The following PCDHGB1 variants were observed in gnomAD, a reference collection of about 807,000 sequenced individuals.
PCDHGB1 encodes the protein protocadherin gamma-B1.
In PCDHGB1, 34 loss-of-function variants were observed where a neutral mutation model predicts 56.6. The ratio of observed to expected loss-of-function variants is 0.60; its 90% CI spans 0.46 to 0.80. The LOEUF (loss-of-function observed/expected upper bound fraction) is 0.80, where lower values mean the gene tolerates loss of function less well. Ranked by LOEUF, PCDHGB1 falls within the 30% of genes least tolerant of loss-of-function variation. PCDHGB1 has a pLI of 0.00. For missense variants in PCDHGB1, 1,278 were observed against 1,204.6 expected, an observed-to-expected ratio of 1.06 and a Z score of -0.90; for synonymous variants, 561 against 505.9, an observed-to-expected ratio of 1.11 and a Z score of -1.46.
At chr5:141,478,051 G>A (rs751371411) in intron 1 of PCDHGB1, 2 of 1,614,088 alleles carry the variant, frequency 1.2e-6, no homozygotes, top group East Asian at 2.2e-5. Context: ...AGACTCTCAC[G>A]GTCTTGATCA....
intron 1 of PCDHGB1, among the ~76,000 whole-genome samples, chr5:141,482,554 A>T (rs997707871): frequency 4.1e-5 from 6 of 146,884 alleles, no homozygotes; most frequent in Non-Finnish European, 6.0e-5. Flanking sequence ...AAAAAAGATA[A>T]TGGAGATCTG....
At chr5:141,381,989 C>G (rs1013941230) in intron 1 of PCDHGB1, among the ~76,000 whole-genome samples, 13 of 151,916 alleles carry the variant, frequency 8.6e-5, no homozygotes, top group Admixed American at 7.2e-4. Flanking sequence ...GCCACCACGC[C>G]CGGATAATTT....
chr5:141,407,139 A>G lies in PCDHGB1; in HGVS notation c.2409+54470A>G, dbSNP rs190510544. Among the ~76,000 whole-genome samples, 1,517 of 152,332 alleles carry G rather than the reference A, an allele frequency of 1.0e-2. 33 individuals carry two copies. The highest frequency in any genetic ancestry group is 0.034 in the African/African-American group (1,425 of 41,568). On this transcript the variant is annotated intron_variant, in intron 1 of 3. Coordinates refer to ENST00000523390, the MANE Select transcript of PCDHGB1 (RefSeq NM_018922.3). ...TTTCAGTTGCTTTATTTTTAAGAAA[A>G]AAAAGCTGAAGTGTCTGGGAATCCT...
In PCDHGB1 at chr5:141,510,980, G is replaced by A; in HGVS notation, c.2591G>A (p.Gly864Asp). The change falls in exon 4 of 4, where the codon GGT becomes GAT. Residue 864 changes from glycine (G) to aspartate (D), a missense_variant. Transcript: ENST00000523390. ...AADGSSTLGGGAGTMGLSARY... is the reference protein window; with the variant it reads ...AADGSSTLGGDAGTMGLSARY... ...GATGGGAGCTCCACCCTGGGAGGGG[G>A]TGCCGGCACCATGGGATTGAGCGCC... 1 of 1,614,170 alleles carries A rather than the reference G, an allele frequency of 6.2e-7. No homozygotes were observed.
At position 141,485,675 on chromosome 5, in the gene PCDHGB1, A is replaced by C. The variant is rs1562106929; in HGVS notation, c.2410-9132A>C. 6.2e-7 allele frequency: 1 copy of C among 1,613,068 alleles called. No homozygotes were observed. The highest frequency in any genetic ancestry group is 8.5e-7 in the Non-Finnish European group (1 of 1,179,150). On this transcript the variant is annotated intron_variant, in intron 1 of 3. Coordinates refer to ENST00000523390, the MANE Select transcript of PCDHGB1 (RefSeq NM_018922.3). The surrounding 1 kb of genome is among the most constrained non-coding windows in gnomAD (Gnocchi z 5.7). ...TGCAGATGTGGGGAGCAATTCGATT[A>C]GCAGCTATAGGCTGAGCTCCAATGA...
chr5:141,511,713 C>T lies in PCDHGB1; in HGVS notation c.*540C>T. 5.4e-6 allele frequency: 1 copy of T among 186,446 alleles called. No individual in the cohort carries two copies. Among genetic ancestry groups the T allele is most frequent in the Admixed American group, 5.3e-5 (1 of 18,840 alleles). The allele number at this position is 186,446 out of a possible 1,614,324, so 11.5% of individuals were successfully genotyped here. ...TTGGTGCCAGCCCCTTCACCTCCTT[C>T]CAGAGCCCAAGATCAATGCTCAAGT... On this transcript the variant is annotated 3_prime_UTR_variant, in exon 4 of 4. Transcript: ENST00000523390.
chr5:141,381,826 CTTTT>C (rs770630741), intron 1 of PCDHGB1, among the ~76,000 whole-genome samples: 27 of 74,296 alleles, frequency 3.6e-4, no homozygotes, highest in Middle Eastern at 8.1e-3. Context: ...CTTTCTTCTT[CTTTT>C]TTTTTTTTTT....
At position 141,432,999 on chromosome 5, in the gene PCDHGB1, A is replaced by G. The variant is rs745921704; in HGVS notation, c.2410-61808A>G. The G allele has an allele frequency of 1.1e-5, 17 of 1,614,046 alleles. No individual in the cohort carries two copies. Among genetic ancestry groups the G allele is most frequent in the East Asian group, 4.5e-5 (2 of 44,862 alleles). On this transcript the variant is annotated intron_variant, in intron 1 of 3. Coordinates refer to ENST00000523390, the MANE Select transcript of PCDHGB1 (RefSeq NM_018922.3). This position sits in a 1 kb window ranked among gnomAD's most constrained non-coding sequence, Gnocchi z 6.0. ...CACTTTGTGGGCGTGGACGGGGTGC[A>G]GGCTTTCCTGCAGACCTATTCCCAC...
chr5:141,394,724 G>T, intron 1 of PCDHGB1: 1 of 1,613,380 alleles, frequency 6.2e-7, no homozygotes, highest in Non-Finnish European at 8.5e-7. Flanking sequence ...ACAGAGATGC[G>T]CTCAAGCAGA....
chr5:141,371,081 G>T, intron 1 of PCDHGB1: 11 of 1,613,852 alleles, frequency 6.8e-6, no homozygotes, highest in Non-Finnish European at 9.3e-6. Context: ...CCCAGATCAG[G>T]GTAATTGTCG....
intron 1 of PCDHGB1, chr5:141,377,922 C>A (rs1453139299): frequency 6.6e-6 from 1 of 152,166 alleles, no homozygotes; most frequent in East Asian, 1.9e-4. Context: ...TAAAAATCCA[C>A]CTGTAACTGC....
At chr5:141,501,298 C>CAG (rs2099807427) in intron 2 of PCDHGB1, among the ~76,000 whole-genome samples, 1 of 148,330 alleles carries the variant, frequency 6.7e-6, no homozygotes, top group Non-Finnish European at 1.5e-5. Context: ...TATACACACA[C>CAG]ACACACACAC....
Position 141,432,016 on chromosome 5 carries a change from C to T in PCDHGB1, c.2410-62791C>T, listed in dbSNP as rs771650925. The T allele has an allele frequency of 1.2e-6, 2 of 1,614,202 alleles. No homozygotes were observed. The highest frequency in any genetic ancestry group is 3.3e-5 in the Admixed American group (2 of 60,030). On this transcript the variant is annotated intron_variant, in intron 1 of 3. Coordinates refer to ENST00000523390, the MANE Select transcript of PCDHGB1 (RefSeq NM_018922.3). This position sits in a 1 kb window ranked among gnomAD's most constrained non-coding sequence, Gnocchi z 6.0. ...ATAGGGAACAGGTTCCTAGCTACAA[C>T]ATCACAGTGACCGCCACTGACCGGG...
At chr5:141,414,473 G>T (rs371832510) in intron 1 of PCDHGB1, 1 of 1,613,908 alleles carries the variant, frequency 6.2e-7, no homozygotes, top group Non-Finnish European at 8.5e-7. Flanking sequence ...GATGGGGGAA[G>T]TCCTCCTCTA....
chr5:141,489,178 C>T lies in PCDHGB1; in HGVS notation c.2410-5629C>T, dbSNP rs909255357. ...GAGACTTCAGCTGCTGCATTCCAAG[C>T]CCTGGGTCTACCTTGGAGACAGGAC... On this transcript the variant is annotated intron_variant, in intron 1 of 3. Transcript: ENST00000523390. This position sits in a 1 kb window ranked among gnomAD's most constrained non-coding sequence, Gnocchi z 4.5. 54 of 1,234,872 alleles carry T rather than the reference C, an allele frequency of 4.4e-5. 1 individual carries two copies. In the East Asian group the frequency reaches 1.2e-3, roughly 29 times the overall value. 76.5% of individuals were successfully genotyped at this position (1,234,872 alleles called of 1,614,324 possible). A position where few individuals can be genotyped will look rare whatever the true frequency, so the allele number is the denominator to read the frequency against.
chr5:141,494,782 C>T, intron 1 of PCDHGB1, 25 bp from the exon 2 acceptor site: 1 of 1,614,110 alleles, frequency 6.2e-7, no homozygotes. Context: ...GGTACTCAGC[C>T]CCTTTCCCTC....
intron 1 of PCDHGB1, chr5:141,398,485 A>G: frequency 6.2e-7 from 1 of 1,608,602 alleles, no homozygotes; most frequent in Non-Finnish European, 8.5e-7. Context: ...TTATCACGTG[A>G]ATGTGGAGAT....
intron 3 of PCDHGB1, among the ~76,000 whole-genome samples, chr5:141,506,473 G>A (rs976701500): frequency 2.7e-4 from 40 of 150,506 alleles, no homozygotes; most frequent in Admixed American, 1.5e-3. Flanking sequence ...AAAGAGCACA[G>A]GCTTTAGAGG....
rs768383792 is a variant in PCDHGB1 at position 141,476,155 on chromosome 5, C to A, written c.2410-18652C>A. 1.2e-6 allele frequency: 2 copies of A among 1,612,382 alleles called. No homozygotes were observed. Among genetic ancestry groups the A allele is most frequent in the Non-Finnish European group, 1.7e-6 (2 of 1,179,764 alleles). On this transcript the variant is annotated intron_variant, in intron 1 of 3. Coordinates refer to ENST00000523390, the MANE Select transcript of PCDHGB1 (RefSeq NM_018922.3). This position sits in a 1 kb window ranked among gnomAD's most constrained non-coding sequence, Gnocchi z 7.6. ...CCTGGAGGAGCGGACTGGTAAGCAC[C>A]GGGAGGGTAGTGGGAGTTTTGCTTC... is the stretch of plus-strand genomic sequence containing the variant.
Sources: allele counts gnomAD v4.1 joint callset (sites outside exome capture counted in the v4.1 genomes callset), GRCh38; gene constraint gnomAD v4.1.1; non-coding constraint Gnocchi (gnomAD v3.1); transcripts MANE v1.5; gene names NCBI Gene and HGNC (gene_info 2026-07-23, HGNC 2026-07-21).